Variants in LHX4 observed in about 807,000 individuals in gnomAD.
The protein encoded by LHX4 is LIM/homeobox protein Lhx4.
Under a neutral mutation model 39.2 loss-of-function variants are expected in LHX4, and 16 were observed. The ratio of observed to expected loss-of-function variants is 0.41; its 90% CI spans 0.28 to 0.62. The LOEUF is 0.62. Among genes scored for constraint, LHX4 ranks in the 20% least tolerant of loss-of-function variants. The pLI, the probability that LHX4 is intolerant of heterozygous loss-of-function variation, is 0.33. For missense variants in LHX4, 439 were observed against 511.9 expected (o/e 0.86, Z 1.37); for synonymous variants, 206 against 198.1 (o/e 1.04, Z -0.33).
chr1:180,246,347 C>A (rs754828077), intron 1 of LHX4, among the ~76,000 whole-genome samples: 9 of 152,224 alleles, frequency 5.9e-5, no homozygotes, highest in Non-Finnish European at 1.0e-4. Context: ...TTTCTTAGTA[C>A]ATTGAGGGTA....
chr1:180,261,657 G>A (rs1648117646), intron 2 of LHX4, among the ~76,000 whole-genome samples: 1 of 152,130 alleles, frequency 6.6e-6, no homozygotes, highest in African/African-American at 2.4e-5. Context: ...AAAGAAAAGA[G>A]CTTAAAACTG....
At chr1:180,256,331 C>T (rs1455705415) in intron 2 of LHX4, among the ~76,000 whole-genome samples, 1 of 152,206 alleles carries the variant, frequency 6.6e-6, no homozygotes, top group East Asian at 1.9e-4. Context: ...GCCAAGGTCA[C>T]ACCAGGGTCC....
chr1:180,255,200 C>T (rs1292286244), intron 2 of LHX4, among the ~76,000 whole-genome samples: 1 of 152,232 alleles, frequency 6.6e-6, no homozygotes, highest in African/African-American at 2.4e-5. Context: ...GCCCTGTTGC[C>T]CCAGAAAGAG....
chr1:180,230,182 C>G, upstream of LHX4: 1 of 390,726 alleles, frequency 2.6e-6, no homozygotes, highest in African/African-American at 2.1e-5. The surrounding 1 kb of genome is among the most constrained non-coding windows in gnomAD (Gnocchi z 5.8). Flanking sequence ...CCCGGGTGAC[C>G]GCGGCCTCCC....
At chr1:180,253,423 C>T (rs1359429803) in intron 2 of LHX4, among the ~76,000 whole-genome samples, 2 of 152,184 alleles carry the variant, frequency 1.3e-5, no homozygotes, top group Non-Finnish European at 2.9e-5. Context: ...GCTGGGTGCC[C>T]CTAGGCAAGT....
intron 1 of LHX4, among the ~76,000 whole-genome samples, chr1:180,240,353 A>C (rs1664418858): frequency 6.6e-6 from 1 of 152,154 alleles, no homozygotes; most frequent in Non-Finnish European, 1.5e-5. Flanking sequence ...CTATCAGTAC[A>C]AAGTTTTAAA....
intron 2 of LHX4, among the ~76,000 whole-genome samples, chr1:180,250,100 T>G (rs1647559596): frequency 6.6e-6 from 1 of 152,088 alleles, no homozygotes; most frequent in African/African-American, 2.4e-5. Context: ...CTCTGAGCTT[T>G]TTGTGTACTG....
At chr1:180,258,412 C>T (rs528921168) in intron 2 of LHX4, among the ~76,000 whole-genome samples, 7 of 152,226 alleles carry the variant, frequency 4.6e-5, no homozygotes, top group East Asian at 3.9e-4. Flanking sequence ...CCTTGGTGGC[C>T]GTTAGGGAGC....
intron 2 of LHX4, among the ~76,000 whole-genome samples, chr1:180,261,416 C>G (rs1648109333): frequency 6.6e-6 from 1 of 152,208 alleles, no homozygotes; most frequent in Non-Finnish European, 1.5e-5. Context: ...CTTTGGGGGC[C>G]AAGGTGGGAG....
chr1:180,255,978 G>A (rs1290570247), intron 2 of LHX4, among the ~76,000 whole-genome samples: 1 of 152,194 alleles, frequency 6.6e-6, no homozygotes, highest in Non-Finnish European at 1.5e-5. Context: ...CCCTCTTTTG[G>A]CCCAGGCACA....
At position 180,278,952 on chromosome 1, in the gene LHX4, A is replaced by AATT. The variant is rs1212405730; in HGVS notation, c.*4376_*4378dup. ...TGTTGGCATGAGATGTGTACGGTAAAATTATGTAAAATAAATATGGAAATT... is the reference window on the plus strand; with the variant it reads ...TGTTGGCATGAGATGTGTACGGTAAAATTATTATGTAAAATAAATATGGAAATT... On this transcript the variant is annotated 3_prime_UTR_variant, in exon 6 of 6. Coordinates refer to ENST00000263726, the MANE Select transcript of LHX4 (RefSeq NM_033343.4). 1 of 152,148 alleles carries AATT rather than the reference A, an allele frequency of 6.6e-6. No homozygotes were observed. Among genetic ancestry groups the AATT allele is most frequent in the East Asian group, 1.9e-4 (1 of 5,182 alleles). The allele number at this position is 152,148 out of a possible 1,614,324, so 9.4% of individuals were successfully genotyped here.
intron 2 of LHX4, among the ~76,000 whole-genome samples, chr1:180,262,691 AAAAAAG>A (rs995514590): frequency 1.3e-5 from 2 of 151,982 alleles, no homozygotes; most frequent in Non-Finnish European, 2.9e-5. Flanking sequence ...GAAAAAAAAA[AAAAAAG>A]AAAAGAAAAG....
At chr1:180,247,126 T>A (rs1558211915) in intron 1 of LHX4, among the ~76,000 whole-genome samples, 1 of 152,216 alleles carries the variant, frequency 6.6e-6, no homozygotes, top group Non-Finnish European at 1.5e-5. Context: ...TACTGTTTGT[T>A]CATCCAACCA....
intron 2 of LHX4, among the ~76,000 whole-genome samples, chr1:180,264,182 G>A (rs1648219080): frequency 1.3e-5 from 2 of 152,084 alleles, no homozygotes; most frequent in Admixed American, 6.6e-5. Flanking sequence ...CCCAGGCTGG[G>A]CTCAAGTGAT....
chr1:180,265,204 A>T (rs1032548650), intron 2 of LHX4, among the ~76,000 whole-genome samples: 9 of 152,206 alleles, frequency 5.9e-5, no homozygotes, highest in African/African-American at 1.9e-4. Flanking sequence ...AGGACCATTA[A>T]AATCAAACCT....
chr1:180,250,554 A>G (rs149651483), intron 2 of LHX4, among the ~76,000 whole-genome samples: 12 of 152,250 alleles, frequency 7.9e-5, no homozygotes, highest in African/African-American at 2.9e-4. Flanking sequence ...GGGGCAGGGT[A>G]GGTGCTGGAT....
At chr1:180,252,521 AG>A (rs1354785907) in intron 2 of LHX4, among the ~76,000 whole-genome samples, 1 of 152,162 alleles carries the variant, frequency 6.6e-6, no homozygotes, top group Non-Finnish European at 1.5e-5. Flanking sequence ...CCCTGTTCAG[AG>A]GTGGGGGCAG....
Position 180,266,677 on chromosome 1 carries a change from G to A in LHX4, c.451+83G>A, listed in dbSNP as rs538755987. On this transcript the variant is annotated intron_variant, in intron 3 of 5. Coordinates refer to ENST00000263726, the MANE Select transcript of LHX4 (RefSeq NM_033343.4). This position sits in a 1 kb window ranked among gnomAD's most constrained non-coding sequence, Gnocchi z 5.7. ...CTGCCTGAGGTGCCCTTCTCATGGC[G>A]TCCCACCTGCCCATCCCTCAGAGCC... The A allele has an allele frequency of 9.7e-6, 13 of 1,341,382 alleles. No individual in the cohort carries two copies. The highest frequency in any genetic ancestry group is 2.9e-5 in the African/African-American group (2 of 69,008). The allele number at this position is 1,341,382 out of a possible 1,614,324, so 83.1% of individuals were successfully genotyped here. A position where few individuals can be genotyped will look rare whatever the true frequency, so the allele number is the denominator to read the frequency against.
At chr1:180,258,026 A>G (rs1057258380) in intron 2 of LHX4, among the ~76,000 whole-genome samples, 1 of 152,238 alleles carries the variant, frequency 6.6e-6, no homozygotes, top group African/African-American at 2.4e-5. Context: ...TTTATTCATC[A>G]TACATGCACT....
Sources: gnomAD v4.1 joint callset for allele counts (sites outside exome capture counted in the v4.1 genomes callset) on GRCh38, gnomAD v4.1.1 for gene constraint, Gnocchi (gnomAD v3.1) non-coding constraint, MANE v1.5 for transcripts, NCBI Gene and HGNC (gene_info 2026-07-23, HGNC 2026-07-21) for gene names.